Variants in ATF6 observed in about 807,000 individuals in gnomAD.
The protein encoded by ATF6 is cyclic AMP-dependent transcription factor ATF-6 alpha.
A neutral mutation model predicts 83.6 loss-of-function variants in ATF6; 53 were observed. The observed-to-expected ratio is 0.63, with a 90% confidence interval of 0.51 to 0.80. The LOEUF is 0.80. ATF6 is among the 30% of genes least tolerant of loss of function. The pLI, the probability that ATF6 is intolerant of heterozygous loss-of-function variation, is 0.00. For missense variants in ATF6, 744 were observed against 797.9 expected (o/e 0.93, Z 0.81); for synonymous variants, 288 against 285.8 (o/e 1.01, Z -0.08).
At chr1:161,924,319 G>T (rs558856872) in intron 15 of ATF6, among the ~76,000 whole-genome samples, 19 of 152,238 alleles carry the variant, frequency 1.2e-4, no homozygotes, top group African/African-American at 4.6e-4. Context: ...ACATGCCAAA[G>T]ACATGGTAGT....
intron 7 of ATF6, among the ~76,000 whole-genome samples, chr1:161,808,099 C>T (rs1272046609): frequency 6.6e-6 from 1 of 151,886 alleles, no homozygotes; most frequent in African/African-American, 2.4e-5. Context: ...AGGCTGTTCT[C>T]AAACTCCTGG....
At chr1:161,805,067 C>T (rs1685245533) in intron 7 of ATF6, among the ~76,000 whole-genome samples, 1 of 152,140 alleles carries the variant, frequency 6.6e-6, no homozygotes, top group Non-Finnish European at 1.5e-5. Context: ...TCATCTCACA[C>T]ATCCCCCAGT....
intron 14 of ATF6, among the ~76,000 whole-genome samples, chr1:161,897,655 A>G (rs1687702697): frequency 6.6e-6 from 1 of 152,206 alleles, no homozygotes; most frequent in Admixed American, 6.5e-5. Context: ...ACTGGTCAGT[A>G]CAGTAGTCAC....
chr1:161,845,226 A>G (rs537362768), intron 9 of ATF6, among the ~76,000 whole-genome samples: 9 of 152,248 alleles, frequency 5.9e-5, no homozygotes, highest in African/African-American at 2.2e-4. Context: ...ACAAACTACT[A>G]TTATCTCAAA....
intron 9 of ATF6, among the ~76,000 whole-genome samples, chr1:161,844,326 G>C (rs1244013310): frequency 6.6e-6 from 1 of 152,178 alleles, no homozygotes; most frequent in Admixed American, 6.5e-5. Context: ...GAAAAAGAAA[G>C]CCTGGGGTAA....
chr1:161,909,056 G>A (rs1687934653), intron 14 of ATF6, among the ~76,000 whole-genome samples: 2 of 152,160 alleles, frequency 1.3e-5, no homozygotes, highest in Admixed American at 6.5e-5. Context: ...AATTTAACTA[G>A]TAATTTGGTT....
intron 15 of ATF6, among the ~76,000 whole-genome samples, chr1:161,935,308 A>G (rs1411381290): frequency 7.9e-5 from 12 of 152,192 alleles, no homozygotes; most frequent in Admixed American, 7.2e-4. Flanking sequence ...CCATACTGTG[A>G]TATGGAGCCT....
intron 11 of ATF6, among the ~76,000 whole-genome samples, chr1:161,852,926 C>CT (rs967198062): frequency 2.0e-5 from 3 of 152,104 alleles, no homozygotes; most frequent in Admixed American, 2.0e-4. Flanking sequence ...CAAGGAAATA[C>CT]TTTTTTTGGT....
intron 9 of ATF6, among the ~76,000 whole-genome samples, chr1:161,821,486 TA>T (rs1337598199): frequency 6.6e-6 from 1 of 152,178 alleles, no homozygotes; most frequent in Non-Finnish European, 1.5e-5. Context: ...GACTGAGTTA[TA>T]AGGGAGATAC....
chr1:161,778,334 A>G lies in ATF6; in HGVS notation c.159+14A>G, dbSNP rs34853598. 960 of 1,598,416 alleles carry G rather than the reference A, an allele frequency of 6.0e-4. 7 individuals carry two copies. In the East Asian group the frequency reaches 0.02, roughly 33 times the overall value. ...AATGAGACGTATGTAAGTATTTACT[A>G]AGGTTGAATAATGTGATATTTAGTC... On this transcript the variant is annotated intron_variant, in intron 2 of 15. Coordinates refer to ENST00000367942, the MANE Select transcript of ATF6 (RefSeq NM_007348.4).
chr1:161,808,352 A>G (rs1398262654), intron 7 of ATF6, among the ~76,000 whole-genome samples: 1 of 152,082 alleles, frequency 6.6e-6, no homozygotes, highest in Non-Finnish European at 1.5e-5. Flanking sequence ...CTTGCAAATC[A>G]GTTTCCTTGT....
intron 9 of ATF6, among the ~76,000 whole-genome samples, chr1:161,823,034 T>C (rs1290195275): frequency 6.6e-6 from 1 of 152,150 alleles, no homozygotes; most frequent in Admixed American, 6.5e-5. Flanking sequence ...GTAGTGTAAA[T>C]GTGCCATAAT....
intron 7 of ATF6, among the ~76,000 whole-genome samples, chr1:161,817,441 G>A (rs914453836): frequency 6.6e-6 from 1 of 152,160 alleles, no homozygotes; most frequent in African/African-American, 2.4e-5. Context: ...AAGTGGCAAT[G>A]TCCGGAGAAT....
intron 7 of ATF6, among the ~76,000 whole-genome samples, chr1:161,804,998 T>C (rs1165104782): frequency 1.3e-5 from 2 of 151,784 alleles, no homozygotes; most frequent in African/African-American, 2.4e-5. Flanking sequence ...TATGAGAAAA[T>C]GTAGAACCAA....
intron 14 of ATF6, among the ~76,000 whole-genome samples, chr1:161,904,026 T>C (rs4657118): frequency 0.099 from 15,074 of 152,284 alleles, 1,334 homozygotes; most frequent in East Asian, 0.33. Context: ...ATGTATCTTT[T>C]GTTAAGAACT....
intron 9 of ATF6, among the ~76,000 whole-genome samples, chr1:161,831,953 A>T (rs890728587): frequency 2.6e-5 from 4 of 151,310 alleles, no homozygotes; most frequent in Non-Finnish European, 4.4e-5. Flanking sequence ...ATAAAAAAAA[A>T]AAAAGAAAGA....
Position 161,962,869 on chromosome 1 carries a change from A to T in ATF6, c.*4215A>T, listed in dbSNP as rs1237974982. On this transcript the variant is annotated 3_prime_UTR_variant, in exon 16 of 16. Coordinates refer to ENST00000367942, the MANE Select transcript of ATF6 (RefSeq NM_007348.4). Reference sequence around the variant, plus strand: ...CTGTGGACTCCATATTCCTTACCACAAATGTTATTTTCATCAGTCCTGAGT... The same window carrying T: ...CTGTGGACTCCATATTCCTTACCACTAATGTTATTTTCATCAGTCCTGAGT... The T allele has an allele frequency of 6.6e-6, 1 of 152,242 alleles. No homozygotes were observed. The highest frequency in any genetic ancestry group is 1.5e-5 in the Non-Finnish European group (1 of 68,046). The allele number at this position is 152,242 out of a possible 1,614,324, so 9.4% of individuals were successfully genotyped here. A position where few individuals can be genotyped will look rare whatever the true frequency, so the allele number is the denominator to read the frequency against.
intron 6 of ATF6, among the ~76,000 whole-genome samples, chr1:161,795,262 TG>T (rs1276230641): frequency 1.3e-5 from 2 of 152,186 alleles, no homozygotes; most frequent in Non-Finnish European, 2.9e-5. Flanking sequence ...ACTCATGCAG[TG>T]CCCTTATGGA....
At chr1:161,957,917 T>C (rs1689000068) in intron 15 of ATF6, among the ~76,000 whole-genome samples, 1 of 152,172 alleles carries the variant, frequency 6.6e-6, no homozygotes, top group African/African-American at 2.4e-5. Flanking sequence ...TTTAAATTCA[T>C]AGTTGGAAGT....
Sources: gnomAD v4.1 joint callset for allele counts (sites outside exome capture counted in the v4.1 genomes callset) on GRCh38, gnomAD v4.1.1 for gene constraint, MANE v1.5 for transcripts, NCBI Gene and HGNC (gene_info 2026-07-23, HGNC 2026-07-21) for gene names.